The following FBXO10 variants were observed in gnomAD, a reference collection of about 807,000 sequenced individuals.
The protein encoded by FBXO10 is F-box protein 10, also known as F-box only protein 10.
In FBXO10, 39 loss-of-function variants were observed where a neutral mutation model predicts 80.7. The observed-to-expected ratio is 0.48, with a 90% CI of 0.37 to 0.63. The LOEUF (loss-of-function observed/expected upper bound fraction) is 0.63, where lower values mean the gene tolerates loss of function less well. Ranked by LOEUF, FBXO10 falls within the 30% of genes least tolerant of loss-of-function variation. The pLI, the probability that FBXO10 is intolerant of heterozygous loss-of-function variation, is 0.00. For missense variants in FBXO10, 1,025 were observed against 1,269.0 expected (o/e 0.81, Z 2.92); for synonymous variants, 449 against 489.6 (o/e 0.92, Z 1.09).
rs1821077414 is a variant in FBXO10, at chr9:37,512,376, C to A, written c.*171G>T. On this transcript the variant is annotated 3_prime_UTR_variant, in exon 11 of 11. Coordinates refer to ENST00000432825, the MANE Select transcript of FBXO10 (RefSeq NM_012166.3). ...CTCCCTGAAAAACATTGCCCACTTT[C>A]TTCTTGCTATGGGCTGTGGAGCTGA... The A allele has an allele frequency of 7.2e-6, 4 of 553,836 alleles. No individual in the cohort carries two copies. The highest frequency in any genetic ancestry group is 1.2e-5 in the Non-Finnish European group (4 of 333,240). The allele number at this position is 553,836 out of a possible 1,614,324, so 34.3% of individuals were successfully genotyped here.
intron 1 of FBXO10, among the ~76,000 whole-genome samples, chr9:37,549,536 C>T (rs570359443): frequency 1.3e-5 from 2 of 152,292 alleles, no homozygotes; most frequent in African/African-American, 4.8e-5. Context: ...ATGGTTTTAT[C>T]ACCTCAGTAC....
At chr9:37,568,261 G>A (rs923716004) in intron 1 of FBXO10, among the ~76,000 whole-genome samples, 8 of 152,002 alleles carry the variant, frequency 5.3e-5, no homozygotes, top group African/African-American at 1.9e-4. Flanking sequence ...ACAATGGCGC[G>A]ATCTTGGCTC....
At position 37,541,494 on chromosome 9, in the gene FBXO10, A is replaced by G; in HGVS notation, c.275T>C (p.Leu92Ser). ...TAGAGAAAAGCAGATGGAAGACTCCAAGTCCAAGGCATTCTTGGTCCATGT... is the reference window on the plus strand; with the variant it reads ...TAGAGAAAAGCAGATGGAAGACTCCGAGTCCAAGGCATTCTTGGTCCATGT... ...SKTWTKNALD[L>S]ESSICFSLFR... Residue 92 changes from leucine (L) to serine (S), a missense_variant, in exon 2 of 11, where the codon TTG becomes TCG. Leu to Ser is a moderately radical substitution (Grantham distance 145, BLOSUM62 -2). Around this residue, in one of 3 missense-constraint regions of FBXO10, gnomAD observed 450 missense variants for 499.4 expected, o/e 0.90. Transcript: ENST00000432825. 6.2e-7 allele frequency: 1 copy of G among 1,614,016 alleles called. No individual in the cohort carries two copies.
intron 1 of FBXO10, among the ~76,000 whole-genome samples, chr9:37,549,635 T>C (rs1822141527): frequency 6.6e-6 from 1 of 152,230 alleles, no homozygotes; most frequent in Non-Finnish European, 1.5e-5. Context: ...CTGGTTCCCC[T>C]CTATCTTTTC....
At chr9:37,522,716 T>C in intron 7 of FBXO10, 109 bp downstream of exon 7, 1 of 1,310,480 alleles carries the variant, frequency 7.6e-7, no homozygotes, top group Non-Finnish European at 1.0e-6. Context: ...CCTGTTCAGA[T>C]GAGGTCTTTG....
intron 1 of FBXO10, among the ~76,000 whole-genome samples, chr9:37,560,956 C>A (rs1289959692): frequency 1.3e-5 from 2 of 152,094 alleles, no homozygotes; most frequent in Non-Finnish European, 2.9e-5. Flanking sequence ...TCCAGGCTAA[C>A]ACGGTGAAAC....
intron 2 of FBXO10, 67 bp downstream of exon 2, chr9:37,541,117 G>T (rs1475061975): frequency 1.5e-6 from 2 of 1,378,960 alleles, no homozygotes; most frequent in African/African-American, 1.4e-5. Flanking sequence ...GGGATTAAAA[G>T]CCCAGAAAAG....
In FBXO10 at chr9:37,511,786, T is replaced by G. The variant is rs1216732823; in HGVS notation, c.*761A>C. 6.6e-6 allele frequency: 1 copy of G among 152,496 alleles called. No homozygotes were observed. Among genetic ancestry groups the G allele is most frequent in the Non-Finnish European group, 1.5e-5 (1 of 68,324 alleles). The allele number at this position is 152,496 out of a possible 1,614,324, so 9.4% of individuals were successfully genotyped here. On this transcript the variant is annotated 3_prime_UTR_variant, in exon 11 of 11. Transcript: ENST00000432825. ...TACCCTCATCTGAACAGGCTGATGCTCAGGAGGGGCGGCTGGTGTGGGCAC... is the reference window on the plus strand; with the variant it reads ...TACCCTCATCTGAACAGGCTGATGCGCAGGAGGGGCGGCTGGTGTGGGCAC...
intron 1 of FBXO10, among the ~76,000 whole-genome samples, chr9:37,569,876 C>A (rs964924494): frequency 6.6e-6 from 1 of 151,942 alleles, no homozygotes; most frequent in African/African-American, 2.4e-5. Flanking sequence ...AGCTCACTGA[C>A]CACAGTCATA....
intron 3 of FBXO10, among the ~76,000 whole-genome samples, chr9:37,535,359 T>A (rs1365090493): frequency 6.7e-6 from 1 of 150,226 alleles, no homozygotes; most frequent in Non-Finnish European, 1.5e-5. Context: ...TTTTTTATTT[T>A]TTTTTTGGAG....
At position 37,518,112 on chromosome 9, in the gene FBXO10, C is replaced by T. The variant is rs368304635; in HGVS notation, c.2514+13G>A. 3.8e-5 allele frequency: 61 copies of T among 1,602,838 alleles called. No individual in the cohort carries two copies. The highest frequency in any genetic ancestry group is 4.7e-5 in the Non-Finnish European group (55 of 1,174,244). ...GTGGGCACCACACGTCACACACATGCAGACATACTCACTTTAGTGTCGGAC... is the reference window on the plus strand; with the variant it reads ...GTGGGCACCACACGTCACACACATGTAGACATACTCACTTTAGTGTCGGAC... On this transcript the variant is annotated intron_variant, in intron 9 of 10. Transcript: ENST00000432825.
chr9:37,553,052 A>C lies in FBXO10; in HGVS notation c.-6-11278T>G, dbSNP rs201344969. On this transcript the variant is annotated intron_variant, in intron 1 of 10. Coordinates refer to ENST00000432825, the MANE Select transcript of FBXO10 (RefSeq NM_012166.3). Reference sequence around the variant, plus strand: ...TGTGTGTGTGTGTGTGTGTGTGTGTATTTTTTTTGAGATGGAGTCTCGCTC... The same window carrying C: ...TGTGTGTGTGTGTGTGTGTGTGTGTCTTTTTTTTGAGATGGAGTCTCGCTC... Among the ~76,000 whole-genome samples the C allele has an allele frequency of 1.1e-4, 13 of 118,548 alleles. No homozygotes were observed. The East Asian group carries it at 2.6e-3, about 24-fold the overall frequency. The allele number at this position is 118,548 out of a possible 152,430, so 77.8% of individuals were successfully genotyped here. A position where few individuals can be genotyped will look rare whatever the true frequency, so the allele number is the denominator to read the frequency against.
intron 5 of FBXO10, among the ~76,000 whole-genome samples, chr9:37,527,811 T>C (rs1821512776): frequency 6.6e-6 from 1 of 152,158 alleles, no homozygotes; most frequent in South Asian, 2.1e-4. Flanking sequence ...AAATACACAC[T>C]CTTCTGTTCA....
intron 8 of FBXO10, among the ~76,000 whole-genome samples, chr9:37,520,384 G>GA (rs1821307413): frequency 7.5e-6 from 1 of 133,816 alleles, no homozygotes; most frequent in Non-Finnish European, 1.5e-5. Context: ...TGAGCACCTA[G>GA]AATACCGTGG....
intron 3 of FBXO10, among the ~76,000 whole-genome samples, chr9:37,532,892 CCTGT>C (rs1204394173): frequency 1.3e-5 from 2 of 152,184 alleles, no homozygotes; most frequent in Non-Finnish European, 2.9e-5. Context: ...CTAAAATCCA[CCTGT>C]CTGAGACGGC....
chr9:37,545,310 G>A (rs1822030709), intron 1 of FBXO10, among the ~76,000 whole-genome samples: 1 of 150,512 alleles, frequency 6.6e-6, no homozygotes, highest in Admixed American at 6.7e-5. Context: ...CTGAGTAGCT[G>A]GGATTACAGG....
At chr9:37,550,169 G>T (rs1428846681) in intron 1 of FBXO10, among the ~76,000 whole-genome samples, 3 of 68,008 alleles carry the variant, frequency 4.4e-5, no homozygotes, top group Non-Finnish European at 5.7e-5. Flanking sequence ...GTCGTCTCAG[G>T]TTTTTTTTTT....
At chr9:37,543,354 C>T (rs1338078146) in intron 1 of FBXO10, among the ~76,000 whole-genome samples, 1 of 152,162 alleles carries the variant, frequency 6.6e-6, no homozygotes, top group Admixed American at 6.5e-5. Context: ...AAGGGGCCAT[C>T]GAGCCCTTTT....
chr9:37,562,799 T>C (rs1262806201), intron 1 of FBXO10, among the ~76,000 whole-genome samples: 3 of 151,884 alleles, frequency 2.0e-5, no homozygotes, highest in Non-Finnish European at 1.5e-5. Flanking sequence ...ACTTGCTGTG[T>C]ATAAGACCAA....
Sources: allele counts gnomAD v4.1 joint callset (sites outside exome capture counted in the v4.1 genomes callset), GRCh38; gene constraint gnomAD v4.1.1; regional missense constraint gnomAD v4.1.1; transcripts MANE v1.5; gene names NCBI Gene and HGNC (gene_info 2026-07-23, HGNC 2026-07-21).